Variants in RNF166 observed in about 807,000 individuals in gnomAD.
RNF166 encodes E3 ubiquitin-protein ligase RNF166.
Under a neutral mutation model 29.4 loss-of-function variants are expected in RNF166, and 19 were observed. The ratio of observed to expected loss-of-function variants is 0.65; its 90% CI spans 0.45 to 0.95. The LOEUF (loss-of-function observed/expected upper bound fraction) is 0.95, where lower values mean the gene tolerates loss of function less well. RNF166 is among the 40% of genes least tolerant of loss of function. RNF166 has a pLI of 0.00. For missense variants in RNF166, 347 were observed against 322.1 expected, an observed-to-expected ratio of 1.08 and a Z score of -0.59; for synonymous variants, 171 against 134.5, an observed-to-expected ratio of 1.27 and a Z score of -1.88.
chr16:88,698,183 C>T (rs1417200862), intron 5 of RNF166: 12 of 606,616 alleles, frequency 2.0e-5, no homozygotes, highest in South Asian at 1.4e-4. Flanking sequence ...GTCCTTCCCG[C>T]GCTCTCTAGA....
Position 88,696,797 on chromosome 16 carries a change from G to T in RNF166, c.*771C>A. 1 of 357,786 alleles carries T rather than the reference G, an allele frequency of 2.8e-6. No individual in the cohort carries two copies. Among genetic ancestry groups the T allele is most frequent in the South Asian group, 2.0e-5 (1 of 48,930 alleles). 22.2% of individuals were successfully genotyped at this position (357,786 alleles called of 1,614,324 possible). A position where few individuals can be genotyped will look rare whatever the true frequency, so the allele number is the denominator to read the frequency against. ...GCTGGGGTGCTGGGATTTCTTCCTG[G>T]TCATCAAAGAGAAACGTACAAACCT... On this transcript the variant is annotated 3_prime_UTR_variant, in exon 6 of 6. Coordinates refer to ENST00000312838, the MANE Select transcript of RNF166 (RefSeq NM_178841.4).
chr16:88,701,728 C>T, intron 1 of RNF166: 1 of 328,604 alleles, frequency 3.0e-6, no homozygotes. Flanking sequence ...CAGGAGGCCC[C>T]AGCTCGGGCT....
At chr16:88,700,983 T>G (rs1219670465) in intron 2 of RNF166, 2 of 1,328,322 alleles carry the variant, frequency 1.5e-6, no homozygotes, top group East Asian at 6.8e-5. Context: ...GTCCTTACCC[T>G]GGCCACAACC....
chr16:88,699,752 G>A lies in RNF166; in HGVS notation c.313-20C>T, dbSNP rs772769044. 4.4e-6 allele frequency: 7 copies of A among 1,591,754 alleles called. No homozygotes were observed. The highest frequency in any genetic ancestry group is 6.0e-6 in the Non-Finnish European group (7 of 1,163,186). On this transcript the variant is annotated intron_variant, in intron 2 of 5. Coordinates refer to ENST00000312838, the MANE Select transcript of RNF166 (RefSeq NM_178841.4). ...GGTCACCTAGGAGACAGGGCAGGGAGGGCAAGGCGGTCCTGAGAATCTGGA... is the reference window on the plus strand; with the variant it reads ...GGTCACCTAGGAGACAGGGCAGGGAAGGCAAGGCGGTCCTGAGAATCTGGA...
At chr16:88,704,392 C>G in intron 1 of RNF166, 1 of 985,412 alleles carries the variant, frequency 1.0e-6, no homozygotes, top group Middle Eastern at 5.2e-4. Context: ...GGTCGTCATT[C>G]TACCAAGAAA....
rs1478539420 is a variant in RNF166 at position 88,697,563 on chromosome 16, T to G, written c.*5A>C. The G allele has an allele frequency of 2.2e-5, 34 of 1,547,842 alleles. 1 individual carries two copies. The highest frequency in any genetic ancestry group is 2.7e-5 in the African/African-American group (2 of 72,994). On this transcript the variant is annotated 3_prime_UTR_variant, in exon 6 of 6. Transcript: ENST00000312838. ...CCAGACGCAGGCGGGTGGCTGCGCT[T>G]CCCTTCAGTTCTCAGAGAGAGACAG...
Position 88,706,247 on chromosome 16 carries a change from G to C in RNF166, c.79C>G (p.Leu27Val). The change falls in exon 1 of 6, where the codon CTG (leucine) becomes GTG (valine). Residue 27 changes from leucine to valine, a missense_variant. Coordinates refer to ENST00000312838, the MANE Select transcript of RNF166 (RefSeq NM_178841.4). ...PAGPAGGDSG[L>V]EAQYTCPICL... ...ATGGGGCAGGTGTACTGCGCCTCCAGGCCGCTGTCGCCGCCCGCCGGCCCG... is the reference window on the plus strand; with the variant it reads ...ATGGGGCAGGTGTACTGCGCCTCCACGCCGCTGTCGCCGCCCGCCGGCCCG... 7.6e-7 allele frequency: 1 copy of C among 1,309,064 alleles called. No homozygotes were observed. Among genetic ancestry groups the C allele is most frequent in the Admixed American group, 3.6e-5 (1 of 28,096 alleles). The allele number at this position is 1,309,064 out of a possible 1,614,324, so 81.1% of individuals were successfully genotyped here.
chr16:88,697,761 G>T (rs1331876021), intron 5 of RNF166, 128 bp from the exon 6 acceptor site: 1 of 692,700 alleles, frequency 1.4e-6, no homozygotes, highest in Non-Finnish European at 2.6e-6. Context: ...GAAGGACCCA[G>T]CTCCACTGTC....
chr16:88,703,144 C>T, intron 1 of RNF166: 4 of 985,468 alleles, frequency 4.1e-6, no homozygotes, highest in African/African-American at 1.7e-5. Flanking sequence ...CGCTCAACGT[C>T]CAGCAGAGAG....
chr16:88,702,824 T>C, intron 1 of RNF166: 1 of 985,488 alleles, frequency 1.0e-6, no homozygotes. Context: ...GGGTCATCCC[T>C]GGCACTGACC....
At position 88,701,252 on chromosome 16, in the gene RNF166, A is replaced by G. The variant is rs774834548; in HGVS notation, c.312+10T>C. ...ACCCCGGCTCCAGGGCGGCCCAAGC[A>G]GGCGGGTACCTTTTTGTTGCAGCCT... On this transcript the variant is annotated intron_variant, in intron 2 of 5. Coordinates refer to ENST00000312838, the MANE Select transcript of RNF166 (RefSeq NM_178841.4). 1.2e-6 allele frequency: 2 copies of G among 1,613,520 alleles called. No homozygotes were observed. The highest frequency in any genetic ancestry group is 1.7e-6 in the Non-Finnish European group (2 of 1,179,896).
intron 2 of RNF166, chr16:88,700,415 A>C (rs775345205): frequency 6.0e-6 from 1 of 166,894 alleles, no homozygotes; most frequent in Non-Finnish European, 1.2e-5. Context: ...AAGAACTCTG[A>C]GCAGGGAGAG....
Position 88,706,270 on chromosome 16 carries a change from C to G in RNF166, c.56G>C (p.Gly19Ala). ...CAGGCCGCTGTCGCCGCCCGCCGGC[C>G]CGGCCGGCGGCTGCCGCTGCTGAGC... ...ASAQQRQPPA[G>A]PAGGDSGLEA... Residue 19 changes from glycine to alanine, a missense_variant, in exon 1 of 6, where the codon GGG becomes GCG. Transcript: ENST00000312838. 3 of 1,302,218 alleles carry G rather than the reference C, an allele frequency of 2.3e-6. No homozygotes were observed. The highest frequency in any genetic ancestry group is 2.0e-6 in the Non-Finnish European group (2 of 1,023,746). The allele number at this position is 1,302,218 out of a possible 1,614,324, so 80.7% of individuals were successfully genotyped here.
Position 88,698,422 on chromosome 16 carries a change from C to G in RNF166, c.648+80G>C, listed in dbSNP as rs117837843. 12 of 1,155,586 alleles carry G rather than the reference C, an allele frequency of 1.0e-5. 1 individual carries two copies. In the South Asian group the frequency reaches 1.4e-4, roughly 14 times the overall value. The allele number at this position is 1,155,586 out of a possible 1,614,324, so 71.6% of individuals were successfully genotyped here. On this transcript the variant is annotated intron_variant, in intron 5 of 5. Coordinates refer to ENST00000312838, the MANE Select transcript of RNF166 (RefSeq NM_178841.4). Reference sequence around the variant, plus strand: ...TGGCTTCCTCTGAACCCTGCGGACCCTGAGGCTGGCGAGGGGCCCGAGCAG... The same window carrying G: ...TGGCTTCCTCTGAACCCTGCGGACCGTGAGGCTGGCGAGGGGCCCGAGCAG...
chr16:88,705,624 G>A (rs1185932370), intron 1 of RNF166, among the ~76,000 whole-genome samples: 4 of 152,222 alleles, frequency 2.6e-5, no homozygotes, highest in Non-Finnish European at 5.9e-5. Flanking sequence ...TGGCTACTCA[G>A]TGATCGGTGT....
chr16:88,698,245 C>T, intron 5 of RNF166: 1 of 656,170 alleles, frequency 1.5e-6, no homozygotes, highest in Admixed American at 2.3e-5. Context: ...GTGGGGTGGG[C>T]AGGCAGGGAC....
chr16:88,703,350 G>C, intron 1 of RNF166: 7 of 985,514 alleles, frequency 7.1e-6, no homozygotes, highest in Non-Finnish European at 8.4e-6. Context: ...CGGCTGCACA[G>C]CACGGCCACG....
intron 1 of RNF166, among the ~76,000 whole-genome samples, chr16:88,705,750 A>G (rs977163250): frequency 1.3e-5 from 2 of 152,270 alleles, no homozygotes; most frequent in African/African-American, 4.8e-5. Context: ...GGTCCGAACA[A>G]GAGTTGATAG....
chr16:88,701,857 G>C (rs1007871903), intron 1 of RNF166, among the ~76,000 whole-genome samples: 1 of 152,218 alleles, frequency 6.6e-6, no homozygotes, highest in African/African-American at 2.4e-5. Context: ...TCAAACAATC[G>C]TGGGAAAGGA....
Sources: allele counts gnomAD v4.1 joint callset (sites outside exome capture counted in the v4.1 genomes callset), GRCh38; gene constraint gnomAD v4.1.1; transcripts MANE v1.5; gene names NCBI Gene and HGNC (gene_info 2026-07-23, HGNC 2026-07-21).